E2F7: variants seen among roughly 807,000 people sequenced by gnomAD.
E2F7 encodes the protein transcription factor E2F7.
E2F7 carries 35 observed loss-of-function variants against 81.1 expected under a neutral mutation model. The ratio of observed to expected loss-of-function variants is 0.43; its 90% CI spans 0.33 to 0.57. The LOEUF is 0.57. E2F7 is among the 20% of genes least tolerant of loss of function. The pLI is 0.04. For synonymous variants in E2F7, 416 were observed against 416.2 expected (o/e 1.00, Z 0.01); for missense variants, 961 against 1,093.7 (o/e 0.88, Z 1.71).
rs957693184 is a variant in E2F7, at chr12:77,022,052, C to CA, written c.*1962dup. On this transcript the variant is annotated 3_prime_UTR_variant, in exon 13 of 13. Coordinates refer to ENST00000322886, the MANE Select transcript of E2F7 (RefSeq NM_203394.3). ...TGATCAGAATAATAAAAAAAGATAG[C>CA]AAAAATGTTAAAACAAGTATAGAGC... 11 of 152,040 alleles carry CA rather than the reference C, an allele frequency of 7.2e-5. No homozygotes were observed. The highest frequency in any genetic ancestry group is 2.4e-4 in the African/African-American group (10 of 41,484). 9.4% of individuals were successfully genotyped at this position (152,040 alleles called of 1,614,324 possible).
intron 2 of E2F7, among the ~76,000 whole-genome samples, chr12:77,060,663 C>T (rs1199472100): frequency 6.6e-6 from 1 of 152,196 alleles, no homozygotes; most frequent in Admixed American, 6.5e-5. Context: ...CACACCACCA[C>T]TTCCTCTTTA....
intron 9 of E2F7, 52 bp downstream of exon 9, chr12:77,032,998 T>C: frequency 6.5e-7 from 1 of 1,543,192 alleles, no homozygotes; most frequent in Non-Finnish European, 8.8e-7. Context: ...TAGTCAAAGT[T>C]AACACTAGGA....
At chr12:77,064,431 A>T in intron 2 of E2F7, 112 bp downstream of exon 2, 1 of 835,654 alleles carries the variant, frequency 1.2e-6, no homozygotes, top group African/African-American at 1.7e-5. Flanking sequence ...ATGTTTATCA[A>T]TATTAATTAT....
Position 77,046,065 on chromosome 12 carries a change from C to T in E2F7, c.802G>A (p.Asp268Asn), listed in dbSNP as rs752764629. The T allele has an allele frequency of 3.7e-6, 6 of 1,613,976 alleles. No individual in the cohort carries two copies. The African/African-American group carries it at 6.7e-5, about 18-fold the overall frequency. ...GAGGGACAGTCGGGTTCAGAGAAAT[C>T]CAGTAACTGTTGTTCCTGGGAATCT... ...DPDSQEQQLL[D>N]FSEPDCPSSS... Residue 268 changes from aspartate to asparagine, a missense_variant, in exon 5 of 13, where the codon GAT becomes AAT. This residue lies in a region of E2F7 where 301 missense variants were observed against 405.0 expected (regional missense o/e 0.74). Transcript: ENST00000322886.
In E2F7 at chr12:77,023,871, A is replaced by C; in HGVS notation, c.*144T>G. On this transcript the variant is annotated 3_prime_UTR_variant, in exon 13 of 13. Coordinates refer to ENST00000322886, the MANE Select transcript of E2F7 (RefSeq NM_203394.3). The stretch of plus-strand genomic sequence containing the variant: ...TTAATTACTTTCAGGAAATCAGATG[A>C]TTGATGGTGGTGGGAAGTTAACAGA... 1 of 973,222 alleles carries C rather than the reference A, an allele frequency of 1.0e-6. No homozygotes were observed. The allele number at this position is 973,222 out of a possible 1,614,324, so 60.3% of individuals were successfully genotyped here.
chr12:77,058,376 C>G (rs1955051713), intron 2 of E2F7, among the ~76,000 whole-genome samples: 1 of 152,154 alleles, frequency 6.6e-6, no homozygotes, highest in South Asian at 2.1e-4. Context: ...CACCTATGAC[C>G]TCATTCAGTG....
chr12:77,053,956 TC>T (rs1955010305), intron 3 of E2F7, among the ~76,000 whole-genome samples: 1 of 152,114 alleles, frequency 6.6e-6, no homozygotes, highest in African/African-American at 2.4e-5. Context: ...TTTTACATGA[TC>T]AAATAGTCTA....
chr12:77,063,773 T>C (rs572886370), intron 2 of E2F7, among the ~76,000 whole-genome samples: 99 of 152,348 alleles, frequency 6.5e-4, no homozygotes, highest in Non-Finnish European at 1.0e-3. Context: ...GGAGTTTCAC[T>C]GTTGATGCTA....
At chr12:77,026,036 A>C (rs1337163008) in intron 11 of E2F7, 54 bp from the exon 12 acceptor site, 1 of 1,509,936 alleles carries the variant, frequency 6.6e-7, no homozygotes, top group East Asian at 2.3e-5. Context: ...TGAGGATATC[A>C]TTCAAGCTCA....
intron 2 of E2F7, among the ~76,000 whole-genome samples, chr12:77,057,045 C>T (rs1156353118): frequency 1.3e-5 from 2 of 151,896 alleles, no homozygotes; most frequent in Admixed American, 6.6e-5. Flanking sequence ...CACCACTACA[C>T]CCAAATACTT....
intron 3 of E2F7, among the ~76,000 whole-genome samples, chr12:77,053,016 C>T (rs74103254): frequency 0.015 from 2,262 of 152,154 alleles, 68 homozygotes; most frequent in African/African-American, 0.053. Flanking sequence ...TTGACAATTT[C>T]AAGTGTCAGA....
Position 77,030,001 on chromosome 12 carries a change from C to T in E2F7, c.1714G>A (p.Glu572Lys). The T allele has an allele frequency of 1.2e-6, 2 of 1,614,208 alleles. No homozygotes were observed. The highest frequency in any genetic ancestry group is 1.7e-6 in the Non-Finnish European group (2 of 1,180,042). ...GCTTCTGAGCTTCTGTCATCCCTCT[C>T]TGACCCTGACCCTGACGCTGGTCCC... is the stretch of plus-strand genomic sequence containing the variant. ...QEGPASGSGS[E>K]RDDRSSEAPA... The change falls in exon 10 of 13, where the codon GAG (glutamate) becomes AAG (lysine). Residue 572 changes from glutamate (E) to lysine (K), a missense_variant. By Grantham distance (56) the Glu-to-Lys change is moderately conservative. Around this residue, in one of 3 missense-constraint regions of E2F7, gnomAD observed 587 missense variants for 620.3 expected, o/e 0.95. Coordinates refer to ENST00000322886, the MANE Select transcript of E2F7 (RefSeq NM_203394.3).
chr12:77,044,529 G>T, intron 6 of E2F7, 108 bp downstream of exon 6: 1 of 1,356,368 alleles, frequency 7.4e-7, no homozygotes, highest in Non-Finnish European at 1.0e-6. Context: ...AAAGGAGTAT[G>T]TATGTCAAAA....
intron 3 of E2F7, among the ~76,000 whole-genome samples, chr12:77,053,249 G>T (rs919998889): frequency 1.3e-5 from 2 of 152,076 alleles, no homozygotes; most frequent in African/African-American, 4.8e-5. Flanking sequence ...GTTTATGTGG[G>T]TTATCTATTG....
At position 77,022,559 on chromosome 12, in the gene E2F7, A is replaced by C. The variant is rs772642088; in HGVS notation, c.*1456T>G. ...ATATAACATTTTATTGGGTCAAAAA[A>C]TAAAAATAAAATAAAACCCTACACC... On this transcript the variant is annotated 3_prime_UTR_variant, in exon 13 of 13. Transcript: ENST00000322886. 3.3e-5 allele frequency: 5 copies of C among 152,562 alleles called. No individual in the cohort carries two copies. The highest frequency in any genetic ancestry group is 4.8e-5 in the African/African-American group (2 of 41,456). 9.5% of individuals were successfully genotyped at this position (152,562 alleles called of 1,614,324 possible).
chr12:77,050,539 C>T lies in E2F7; in HGVS notation c.538+37G>A, dbSNP rs760954636. The stretch of plus-strand genomic sequence containing the variant: ...CAAGGAAACCAGTTTCCCACTGTAA[C>T]TGGAGACAGACCTCCAGGTAATCTG... On this transcript the variant is annotated intron_variant, in intron 4 of 12. Coordinates refer to ENST00000322886, the MANE Select transcript of E2F7 (RefSeq NM_203394.3). 4.5e-5 allele frequency: 72 copies of T among 1,605,064 alleles called. No individual in the cohort carries two copies. In the Middle Eastern group the frequency reaches 1.5e-3, roughly 33 times the overall value.
intron 2 of E2F7, 81 bp from the exon 3 acceptor site, chr12:77,056,211 T>G (rs1319706357): frequency 2.9e-6 from 4 of 1,384,980 alleles, no homozygotes; most frequent in Non-Finnish European, 3.9e-6. Flanking sequence ...CACCATTCAC[T>G]AAGACTTGAA....
chr12:77,025,106 C>T (rs1223533892), intron 12 of E2F7, among the ~76,000 whole-genome samples: 1 of 149,900 alleles, frequency 6.7e-6, no homozygotes, highest in East Asian at 1.9e-4. Flanking sequence ...AGTCTCTAAA[C>T]ATCACATCTT....
chr12:77,062,774 C>A (rs535264269), intron 2 of E2F7, among the ~76,000 whole-genome samples: 1 of 151,836 alleles, frequency 6.6e-6, no homozygotes, highest in South Asian at 2.1e-4. Context: ...TTTTTCAAGG[C>A]TGAACCATCC....
Sources: gnomAD v4.1 joint callset for allele counts (sites outside exome capture counted in the v4.1 genomes callset) on GRCh38, gnomAD v4.1.1 for gene constraint, gnomAD v4.1.1 regional missense constraint, MANE v1.5 for transcripts, NCBI Gene and HGNC (gene_info 2026-07-23, HGNC 2026-07-21) for gene names.